Variants in LYZL4 observed in about 807,000 individuals in gnomAD.
The protein encoded by LYZL4 is lysozyme like 4.
Under a neutral mutation model 17.6 loss-of-function variants are expected in LYZL4, and 13 were observed. The ratio of observed to expected loss-of-function variants is 0.74; its 90% CI spans 0.48 to 1.18. The LOEUF (loss-of-function observed/expected upper bound fraction) is 1.18, where lower values mean the gene tolerates loss of function less well. LYZL4 is among the 50% of genes most tolerant of loss of function. The pLI, the probability that LYZL4 is intolerant of heterozygous loss-of-function variation, is 0.00. For missense variants in LYZL4, 174 were observed against 188.2 expected (o/e 0.92, Z 0.44); for synonymous variants, 64 against 67.7 (o/e 0.95, Z 0.27).
At chr3:42,363,501 C>T in the LYZL4 span, among the ~76,000 whole-genome samples, 1 of 152,246 alleles carries the variant, frequency 6.6e-6, no homozygotes, top group African/African-American at 2.4e-5. Context: ...AACAATTGTT[C>T]AATCTAGTTG....
In LYZL4 at chr3:42,407,240, G is replaced by A. The variant is rs372342313; in HGVS notation, c.12C>T (p.Ser4=). 14 of 1,614,146 alleles carry A rather than the reference G, an allele frequency of 8.7e-6. No individual in the cohort carries two copies. In the African/African-American group the frequency reaches 1.1e-4, roughly 12 times the overall value. The change falls in exon 2 of 5, where the codon TCC becomes TCT. Residue 4 remains serine, a synonymous_variant. Transcript: ENST00000287748. MKA[S]VVLSLLGYLV... ...GGTAGCCAAGGAGGGAGAGAACCAC[G>A]GATGCCTTCATCTTCTCCAGGCTCC...
chr3:42,374,621 A>G, the LYZL4 span, among the ~76,000 whole-genome samples: 38 of 152,236 alleles, frequency 2.5e-4, no homozygotes, highest in East Asian at 1.2e-3. Flanking sequence ...TTGAAAAATT[A>G]CAGAATCAAC....
intron 4 of LYZL4, among the ~76,000 whole-genome samples, chr3:42,403,358 C>G (rs1302567488): frequency 6.6e-6 from 1 of 151,840 alleles, no homozygotes; most frequent in Non-Finnish European, 1.5e-5. Flanking sequence ...CTTGTGTGTT[C>G]AAGCGATTCT....
the LYZL4 span, among the ~76,000 whole-genome samples, chr3:42,375,093 G>A: frequency 2.0e-5 from 3 of 152,094 alleles, no homozygotes; most frequent in Admixed American, 6.5e-5. Flanking sequence ...TTACAGGTGT[G>A]AGCCACTGTA....
At chr3:42,364,344 T>TTC in the LYZL4 span, among the ~76,000 whole-genome samples, 7 of 147,258 alleles carry the variant, frequency 4.8e-5, no homozygotes, top group African/African-American at 1.8e-4. Context: ...TTCTTTTCTT[T>TTC]TTTTTTTTTT....
rs181886204 is a variant in LYZL4 at position 42,407,233 on chromosome 3, G to T, written c.19C>A (p.Leu7Ile). The stretch of plus-strand genomic sequence containing the variant: ...ACCACCAGGTAGCCAAGGAGGGAGA[G>T]AACCACGGATGCCTTCATCTTCTCC... MKASVV[L>I]SLLGYLVVPS... Residue 7 changes from leucine to isoleucine, a missense_variant, in exon 2 of 5, where the codon CTC becomes ATC. Physicochemically the swap from Leu to Ile is conservative, Grantham distance 5. Transcript: ENST00000287748. 388 of 1,614,168 alleles carry T rather than the reference G, an allele frequency of 2.4e-4. 12 individuals are homozygous for T. In the Admixed American group the frequency reaches 6.3e-3, roughly 26 times the overall value.
At chr3:42,377,257 A>G in the LYZL4 span, among the ~76,000 whole-genome samples, 5 of 152,304 alleles carry the variant, frequency 3.3e-5, no homozygotes, top group African/African-American at 1.2e-4. Context: ...CAACTTGACT[A>G]TACAATCTCC....
the LYZL4 span, among the ~76,000 whole-genome samples, chr3:42,373,443 T>C: frequency 6.6e-6 from 1 of 152,124 alleles, no homozygotes; most frequent in Non-Finnish European, 1.5e-5. Flanking sequence ...TTGAGAGAAT[T>C]TCTTACTCTT....
At chr3:42,400,207 C>A (rs1698631379) in intron 4 of LYZL4, among the ~76,000 whole-genome samples, 1 of 152,142 alleles carries the variant, frequency 6.6e-6, no homozygotes, top group African/African-American at 2.4e-5. Context: ...CCTGTCCTTT[C>A]TCCCCCACCA....
intron 1 of LYZL4, among the ~76,000 whole-genome samples, chr3:42,408,837 G>T (rs1698812678): frequency 6.6e-6 from 1 of 152,124 alleles, no homozygotes; most frequent in Non-Finnish European, 1.5e-5. Flanking sequence ...GCATTGGATT[G>T]TTTAGGAGTA....
chr3:42,366,741 C>T, the LYZL4 span, among the ~76,000 whole-genome samples: 5 of 152,334 alleles, frequency 3.3e-5, no homozygotes, highest in Admixed American at 2.0e-4. Context: ...TTTCATTAGA[C>T]GAACATGCCG....
At chr3:42,402,136 TA>T (rs61260579) in intron 4 of LYZL4, among the ~76,000 whole-genome samples, 39,888 of 123,874 alleles carry the variant, frequency 0.32, 6,150 homozygotes, top group African/African-American at 0.43. Flanking sequence ...TTGAGAAGGT[TA>T]AAAAAAAAAA....
intron 1 of LYZL4, among the ~76,000 whole-genome samples, 199 bp downstream of exon 1, chr3:42,410,218 T>C (rs1179094116): frequency 6.6e-6 from 1 of 152,216 alleles, no homozygotes; most frequent in African/African-American, 2.4e-5. Context: ...TTTCTCTTCA[T>C]TATCCCCAGA....
At chr3:42,382,619 G>A in the LYZL4 span, among the ~76,000 whole-genome samples, 1 of 151,772 alleles carries the variant, frequency 6.6e-6, no homozygotes, top group African/African-American at 2.4e-5. Context: ...ATATAGATCA[G>A]GAAATGGAGA....
At chr3:42,394,948 C>T (rs1169674932), downstream of LYZL4, among the ~76,000 whole-genome samples, 1 of 152,132 alleles carries the variant, frequency 6.6e-6, no homozygotes, top group African/African-American at 2.4e-5. Flanking sequence ...CTTGGACCTA[C>T]CCTCGGAAGC....
chr3:42,369,907 C>T, the LYZL4 span, among the ~76,000 whole-genome samples: 8 of 152,020 alleles, frequency 5.3e-5, no homozygotes, highest in African/African-American at 1.7e-4. Flanking sequence ...ATGTACTGGG[C>T]GTGGTGATGC....
the LYZL4 span, among the ~76,000 whole-genome samples, chr3:42,380,353 A>G: frequency 6.6e-6 from 1 of 152,202 alleles, no homozygotes; most frequent in African/African-American, 2.4e-5. Flanking sequence ...TGTAAATCCT[A>G]TATTTATGTT....
chr3:42,396,919 C>G (rs1698558002), downstream of LYZL4, among the ~76,000 whole-genome samples: 1 of 152,162 alleles, frequency 6.6e-6, no homozygotes, highest in Non-Finnish European at 1.5e-5. Context: ...ACCTGTTCTT[C>G]CTTTTCCTGT....
chr3:42,394,375 T>G (rs1348946718), downstream of LYZL4, among the ~76,000 whole-genome samples: 7 of 152,096 alleles, frequency 4.6e-5, no homozygotes, highest in Non-Finnish European at 1.0e-4. Flanking sequence ...GGATATAGGT[T>G]TTGAGGAGAT....
Sources: allele counts gnomAD v4.1 joint callset (sites outside exome capture counted in the v4.1 genomes callset), GRCh38; gene constraint gnomAD v4.1.1; transcripts MANE v1.5; gene names NCBI Gene and HGNC (gene_info 2026-07-23, HGNC 2026-07-21).